BCR: variants seen among roughly 807,000 people sequenced by gnomAD.
The protein encoded by BCR is BCR activator of RhoGEF and GTPase.
BCR carries 58 observed loss-of-function variants against 138.6 expected under a neutral mutation model. The ratio of observed to expected loss-of-function variants is 0.42; its 90% CI spans 0.34 to 0.52. The LOEUF (loss-of-function observed/expected upper bound fraction) is 0.52. Ranked by LOEUF, BCR falls within the 20% of genes least tolerant of loss-of-function variation. BCR has a pLI of 0.06. For synonymous variants in BCR, 786 were observed against 730.1 expected, an observed-to-expected ratio of 1.08 and a Z score of -1.23; for missense variants, 1,599 against 1,727.2, an observed-to-expected ratio of 0.93 and a Z score of 1.32.
At chr22:23,207,655 G>A (rs1453738688) in intron 1 of BCR, among the ~76,000 whole-genome samples, 1 of 152,112 alleles carries the variant, frequency 6.6e-6, no homozygotes, top group Non-Finnish European at 1.5e-5. Context: ...GAGTATGTTA[G>A]GCCATTGTAG....
chr22:23,212,960 T>C (rs1350170635), intron 1 of BCR, among the ~76,000 whole-genome samples: 2 of 152,220 alleles, frequency 1.3e-5, no homozygotes. Flanking sequence ...ACTTGATTCC[T>C]GGGAGGCTGC....
rs1175064296 is a variant in BCR at position 23,181,862 on chromosome 22, G to C, written c.902G>C (p.Ser301Thr). The change falls in exon 1 of 23, where the codon AGC (serine) becomes ACC (threonine). Residue 301 changes from serine to threonine, a missense_variant. By Grantham distance (58) the Ser-to-Thr change is moderately conservative (BLOSUM62 1). Around this residue, in one of 4 missense-constraint regions of BCR, gnomAD observed 806 missense variants for 635.0 expected, o/e 1.27. Transcript: ENST00000305877. Reference protein sequence around the residue: ...EGKGPLLRSQSTSEQEKRLTW... With the variant: ...EGKGPLLRSQTTSEQEKRLTW... Reference sequence around the variant, plus strand: ...AAGGGCCCGCTCCTGCGCAGCCAGAGCACCTCTGAGCAGGAGAAGCGCCTT... The same window carrying C: ...AAGGGCCCGCTCCTGCGCAGCCAGACCACCTCTGAGCAGGAGAAGCGCCTT... 1 of 1,612,896 alleles carries C rather than the reference G, an allele frequency of 6.2e-7. No individual in the cohort carries two copies. The highest frequency in any genetic ancestry group is 2.2e-5 in the East Asian group (1 of 44,866).
intron 1 of BCR, among the ~76,000 whole-genome samples, chr22:23,196,099 A>C (rs1184576887): frequency 6.6e-6 from 1 of 152,170 alleles, no homozygotes; most frequent in East Asian, 1.9e-4. Flanking sequence ...AGTAAAATAC[A>C]CATACTCTAA....
intron 16 of BCR, among the ~76,000 whole-genome samples, chr22:23,298,420 A>T (rs957436661): frequency 2.0e-5 from 3 of 152,174 alleles, no homozygotes; most frequent in African/African-American, 7.2e-5. Context: ...GAGGGACCAG[A>T]TGAGTTCCGT....
At chr22:23,276,776 T>C (rs2073582408) in intron 8 of BCR, among the ~76,000 whole-genome samples, 1 of 147,784 alleles carries the variant, frequency 6.8e-6, no homozygotes, top group African/African-American at 2.5e-5. Flanking sequence ...CCCAACGGGT[T>C]TGCAGTCCTT....
chr22:23,244,108 T>C (rs2073128627), intron 1 of BCR, among the ~76,000 whole-genome samples: 1 of 152,186 alleles, frequency 6.6e-6, no homozygotes. Context: ...CTGACACTTA[T>C]TCCACATACT....
chr22:23,274,097 G>A (rs2073542967), intron 8 of BCR, among the ~76,000 whole-genome samples: 1 of 152,130 alleles, frequency 6.6e-6, no homozygotes, highest in Non-Finnish European at 1.5e-5. Flanking sequence ...AGGCTCCCCA[G>A]CCAAGGAGAC....
At chr22:23,306,908 G>A (rs1445645231) in intron 16 of BCR, 4 of 152,598 alleles carry the variant, frequency 2.6e-5, no homozygotes, top group Admixed American at 2.6e-4. Context: ...GTTCCAGGGG[G>A]GCTTTGAGGG....
intron 1 of BCR, among the ~76,000 whole-genome samples, chr22:23,212,297 A>G (rs1357416603): frequency 6.6e-6 from 1 of 152,116 alleles, no homozygotes; most frequent in Admixed American, 6.6e-5. Context: ...TTTGTACAGG[A>G]GGGGACCCTG....
At chr22:23,249,676 G>T (rs985864276) in intron 1 of BCR, among the ~76,000 whole-genome samples, 1 of 152,056 alleles carries the variant, frequency 6.6e-6, no homozygotes, top group Non-Finnish European at 1.5e-5. Context: ...AGGTTCCTGT[G>T]TGCTGGTTAG....
chr22:23,263,340 A>G lies in BCR; in HGVS notation c.1752+1800A>G, dbSNP rs915901620. ...CAACTGCGACCTGCTCCGGCGCCAG[A>G]TAGCCTGGGCCTCGCTCAACTCCGG... On this transcript the variant is annotated intron_variant, in intron 4 of 22. Transcript: ENST00000305877. 2.7e-5 allele frequency: 32 copies of G among 1,197,504 alleles called. 1 individual carries two copies. The highest frequency in any genetic ancestry group is 2.5e-4 in the African/African-American group (17 of 67,320). The allele number at this position is 1,197,504 out of a possible 1,614,324, so 74.2% of individuals were successfully genotyped here. A position where few individuals can be genotyped will look rare whatever the true frequency, so the allele number is the denominator to read the frequency against.
intron 16 of BCR, among the ~76,000 whole-genome samples, chr22:23,296,390 A>G (rs1176334219): frequency 6.6e-6 from 1 of 151,222 alleles, no homozygotes; most frequent in East Asian, 1.9e-4. Flanking sequence ...AAAAAAAAAA[A>G]AAAAAATACC....
At chr22:23,205,986 G>A (rs7287429) in intron 1 of BCR, among the ~76,000 whole-genome samples, 10,670 of 152,200 alleles carry the variant, frequency 0.07, 1,248 homozygotes, top group African/African-American at 0.24. Context: ...GGAGCTCACA[G>A]GAGCTTCTCT....
intron 16 of BCR, among the ~76,000 whole-genome samples, chr22:23,299,695 T>C: frequency 1.9e-5 from 1 of 52,104 alleles, no homozygotes; most frequent in Admixed American, 2.0e-4. Flanking sequence ...ATCTAGAGTT[T>C]ATATATATAT....
chr22:23,229,579 C>G (rs573576179), intron 1 of BCR, among the ~76,000 whole-genome samples: 11 of 152,206 alleles, frequency 7.2e-5, no homozygotes, highest in Non-Finnish European at 1.3e-4. Flanking sequence ...CCGGTATCCA[C>G]CCTGCTGTTG....
chr22:23,270,863 C>G lies in BCR; in HGVS notation c.1861-669C>G, dbSNP rs182466182. Among the ~76,000 whole-genome samples the G allele has an allele frequency of 3.1e-4, 47 of 152,374 alleles. No homozygotes were observed. In the East Asian group the frequency reaches 8.7e-3, roughly 28 times the overall value. The stretch of plus-strand genomic sequence containing the variant: ...CAAAACAGCCTAGGCTATTCACTTA[C>G]AAGCCCTGCTTTTGCCCTGGGAATC... On this transcript the variant is annotated intron_variant, in intron 5 of 22. Coordinates refer to ENST00000305877, the MANE Select transcript of BCR (RefSeq NM_004327.4).
At position 23,317,264 on chromosome 22, in the gene BCR, G is replaced by C. The variant is rs1322132903; in HGVS notation, c.*1742G>C. On this transcript the variant is annotated 3_prime_UTR_variant, in exon 23 of 23. Coordinates refer to ENST00000305877, the MANE Select transcript of BCR (RefSeq NM_004327.4). The stretch of plus-strand genomic sequence containing the variant: ...TTGAAGGCTTTCTGTCTGCGTCTGT[G>C]TGCAGTGTGGATTTAGTTGTGCTTT... 4 of 164,018 alleles carry C rather than the reference G, an allele frequency of 2.4e-5. No homozygotes were observed. 10.2% of individuals were successfully genotyped at this position (164,018 alleles called of 1,614,324 possible).
intron 1 of BCR, among the ~76,000 whole-genome samples, chr22:23,197,059 A>G (rs972831541): frequency 8.5e-5 from 13 of 152,256 alleles, no homozygotes; most frequent in Admixed American, 4.6e-4. Context: ...GAGATTACTT[A>G]TAATACAGTC....
In BCR at chr22:23,181,210, C is replaced by G; in HGVS notation, c.250C>G (p.Pro84Ala). 7.9e-7 allele frequency: 1 copy of G among 1,265,454 alleles called. No individual in the cohort carries two copies. Among genetic ancestry groups the G allele is most frequent in the Non-Finnish European group, 1.0e-6 (1 of 990,424 alleles). The allele number at this position is 1,265,454 out of a possible 1,614,324, so 78.4% of individuals were successfully genotyped here. A position where few individuals can be genotyped will look rare whatever the true frequency, so the allele number is the denominator to read the frequency against. Residue 84 changes from proline (P) to alanine (A), a missense_variant, in exon 1 of 23, where the codon CCC becomes GCC. Coordinates refer to ENST00000305877, the MANE Select transcript of BCR (RefSeq NM_004327.4). ...GGGCTTCCGGCGCGCGGCGCAGGCC[C>G]CCGACGGCGCCTCCGAGCCCCGAGC... Reference protein sequence around the residue: ...RWGFRRAAQAPDGASEPRASA... With the variant: ...RWGFRRAAQAADGASEPRASA...
Sources: gnomAD v4.1 joint callset for allele counts (sites outside exome capture counted in the v4.1 genomes callset) on GRCh38, gnomAD v4.1.1 for gene constraint, gnomAD v4.1.1 regional missense constraint, MANE v1.5 for transcripts, NCBI Gene and HGNC (gene_info 2026-07-23, HGNC 2026-07-21) for gene names.